KCNS3: variants seen among roughly 807,000 people sequenced by gnomAD.
KCNS3 encodes the protein delayed-rectifier potassium channel regulatory subunit KCNS3.
KCNS3 carries 13 observed loss-of-function variants against 31.0 expected under a neutral mutation model. The observed-to-expected ratio is 0.42, with a 90% CI of 0.27 to 0.67. The LOEUF (loss-of-function observed/expected upper bound fraction) is 0.67, where lower values mean the gene tolerates loss of function less well. Ranked by LOEUF, KCNS3 falls within the 30% of genes least tolerant of loss-of-function variation. The pLI is 0.25. For synonymous variants in KCNS3, 238 were observed against 241.5 expected (o/e 0.99, Z 0.13); for missense variants, 545 against 622.4 (o/e 0.88, Z 1.32).
intron 1 of KCNS3, among the ~76,000 whole-genome samples, chr2:17,893,517 C>T (rs1661909455): frequency 6.6e-6 from 1 of 152,224 alleles, no homozygotes; most frequent in Non-Finnish European, 1.5e-5. Flanking sequence ...CCCCCTGCAT[C>T]TCTGGGCACC....
chr2:17,922,240 C>G (rs1662734600), intron 2 of KCNS3, among the ~76,000 whole-genome samples: 2 of 151,760 alleles, frequency 1.3e-5, no homozygotes, highest in Non-Finnish European at 2.9e-5. Flanking sequence ...TCCCCATCAG[C>G]TTTTTATCCG....
chr2:17,902,207 G>A (rs1662192364), intron 1 of KCNS3, among the ~76,000 whole-genome samples: 1 of 152,144 alleles, frequency 6.6e-6, no homozygotes, highest in Admixed American at 6.5e-5. Flanking sequence ...TGGTCACCTG[G>A]AGATGCCCTT....
chr2:17,895,803 A>C (rs1392335771), intron 1 of KCNS3, among the ~76,000 whole-genome samples: 1 of 152,162 alleles, frequency 6.6e-6, no homozygotes, highest in Non-Finnish European at 1.5e-5. Context: ...CTGGAAAAGA[A>C]GGGAAAAGGA....
chr2:17,910,309 T>C (rs1462461352), intron 1 of KCNS3, among the ~76,000 whole-genome samples: 1 of 152,216 alleles, frequency 6.6e-6, no homozygotes, highest in Non-Finnish European at 1.5e-5. Context: ...TGTGAAGTCA[T>C]TGGCACTGCT....
rs568984112 is a variant in KCNS3 at position 17,914,388 on chromosome 2, G to A, written c.-251-3292G>A. The stretch of plus-strand genomic sequence containing the variant: ...GGATTATACAGATACCTGAAACTCC[G>A]AGGTCTTGACATTCAAAACCCCACT... On this transcript the variant is annotated intron_variant, in intron 1 of 2. Coordinates refer to ENST00000304101, the MANE Select transcript of KCNS3 (RefSeq NM_002252.5). 2.4e-3 allele frequency among the ~76,000 whole-genome samples: 371 copies of A among 152,244 alleles called. 2 individuals carry two copies. The highest frequency in any genetic ancestry group is 8.3e-3 in the South Asian group (40 of 4,816).
At chr2:17,878,618 C>A (rs1674562292), upstream of KCNS3, 1 of 148,330 alleles carries the variant, frequency 6.7e-6, no homozygotes, top group Non-Finnish European at 1.5e-5. Context: ...GGCCCCGCCC[C>A]GCCCGCAGCT....
At chr2:17,923,074 A>G (rs866689882) in intron 2 of KCNS3, among the ~76,000 whole-genome samples, 5 of 152,304 alleles carry the variant, frequency 3.3e-5, no homozygotes, top group Middle Eastern at 3.4e-3. Flanking sequence ...ATGACACACA[A>G]GGGTTCCACT....
At position 17,931,762 on chromosome 2, in the gene KCNS3, A is replaced by G; in HGVS notation, c.754A>G (p.Lys252Glu). The G allele has an allele frequency of 1.9e-6, 3 of 1,613,968 alleles. No homozygotes were observed. Among genetic ancestry groups the G allele is most frequent in the Non-Finnish European group, 2.5e-6 (3 of 1,179,880 alleles). The change falls in exon 3 of 3, where the codon AAA becomes GAA. Residue 252 changes from lysine to glutamate, a missense_variant. Physicochemically the swap from Lys to Glu is moderately conservative, Grantham distance 56. Coordinates refer to ENST00000304101, the MANE Select transcript of KCNS3 (RefSeq NM_002252.5). The surrounding 1 kb of genome is among the most constrained non-coding windows in gnomAD (Gnocchi z 5.4). ...CGCTCCTTGTCAAAAGAAATTCTGG[A>G]AAAACCCTCTGAACATCATTGACTT... ...AAAPCQKKFW[K>E]NPLNIIDFVS...
At chr2:17,912,780 A>T (rs1558455728) in intron 1 of KCNS3, among the ~76,000 whole-genome samples, 2 of 152,234 alleles carry the variant, frequency 1.3e-5, no homozygotes, top group Admixed American at 1.3e-4. Flanking sequence ...GAAAAATATA[A>T]TTTATACTAA....
chr2:17,907,480 G>A (rs575607382), intron 1 of KCNS3, among the ~76,000 whole-genome samples: 27 of 152,316 alleles, frequency 1.8e-4, no homozygotes, highest in Admixed American at 8.5e-4. Context: ...ATATTGTTAT[G>A]TGTGAATTTG....
chr2:17,895,494 T>C (rs964701627), intron 1 of KCNS3, among the ~76,000 whole-genome samples: 3 of 152,144 alleles, frequency 2.0e-5, no homozygotes, highest in African/African-American at 7.2e-5. Context: ...GGTGAGAAGG[T>C]ACCTCCCAAG....
At chr2:17,894,452 T>G (rs1661973933) in intron 1 of KCNS3, among the ~76,000 whole-genome samples, 1 of 152,224 alleles carries the variant, frequency 6.6e-6, no homozygotes, top group Admixed American at 6.5e-5. Flanking sequence ...TTATATTTTT[T>G]TGTGTAACAG....
intron 1 of KCNS3, among the ~76,000 whole-genome samples, chr2:17,886,652 G>A (rs1387066851): frequency 6.6e-6 from 1 of 151,510 alleles, no homozygotes; most frequent in African/African-American, 2.4e-5. Flanking sequence ...GTATGGCAGT[G>A]TTCATCTGGG....
At chr2:17,908,644 G>T (rs942258254) in intron 1 of KCNS3, among the ~76,000 whole-genome samples, 5 of 152,140 alleles carry the variant, frequency 3.3e-5, no homozygotes, top group African/African-American at 1.2e-4. Context: ...TTTTGGTGTG[G>T]ATGTCCTTTC....
intron 1 of KCNS3, among the ~76,000 whole-genome samples, chr2:17,889,632 C>G (rs1019151651): frequency 2.6e-5 from 4 of 152,088 alleles, no homozygotes; most frequent in African/African-American, 9.7e-5. Context: ...GAGTTTTAAT[C>G]ATAAACGATG....
intron 1 of KCNS3, among the ~76,000 whole-genome samples, chr2:17,914,530 T>A (rs1662546124): frequency 6.6e-6 from 1 of 152,248 alleles, no homozygotes. Context: ...ACACTTTCCT[T>A]CTCTGCTGCT....
chr2:17,904,444 G>T (rs1439239420), intron 1 of KCNS3, among the ~76,000 whole-genome samples: 3 of 152,050 alleles, frequency 2.0e-5, no homozygotes, highest in African/African-American at 7.2e-5. Flanking sequence ...CTTTTGCTGT[G>T]CAGAAGCTCT....
chr2:17,892,893 AT>A (rs1329489503), intron 1 of KCNS3, among the ~76,000 whole-genome samples: 1 of 151,960 alleles, frequency 6.6e-6, no homozygotes, highest in African/African-American at 2.4e-5. Flanking sequence ...TTAATGCTCT[AT>A]TTTTTTACTG....
chr2:17,916,216 G>C (rs2125248138), intron 1 of KCNS3, among the ~76,000 whole-genome samples: 1 of 152,312 alleles, frequency 6.6e-6, no homozygotes, highest in South Asian at 2.1e-4. Flanking sequence ...AAAGGCATCT[G>C]ATAGGGAAAG....
Sources: allele counts gnomAD v4.1 joint callset (sites outside exome capture counted in the v4.1 genomes callset), GRCh38; gene constraint gnomAD v4.1.1; non-coding constraint Gnocchi (gnomAD v3.1); transcripts MANE v1.5; gene names NCBI Gene and HGNC (gene_info 2026-07-23, HGNC 2026-07-21).